The following LDLRAD3 variants were observed in gnomAD, a reference collection of about 807,000 sequenced individuals.
The protein encoded by LDLRAD3 is low-density lipoprotein receptor class A domain-containing protein 3.
LDLRAD3 carries 20 observed loss-of-function variants against 29.4 expected under a neutral mutation model. The ratio of observed to expected loss-of-function variants is 0.68; its 90% confidence interval spans 0.48 to 0.99. LDLRAD3 has a LOEUF of 0.99. LDLRAD3 is among the 50% of genes least tolerant of loss of function. The pLI is 0.00. For missense variants in LDLRAD3, 420 were observed against 454.3 expected (o/e 0.92, Z 0.69); for synonymous variants, 157 against 192.7 (o/e 0.81, Z 1.53).
At chr11:36,058,245 C>T (rs1461403888) in intron 2 of LDLRAD3, among the ~76,000 whole-genome samples, 2 of 152,180 alleles carry the variant, frequency 1.3e-5, no homozygotes, top group South Asian at 2.1e-4. Context: ...ATGCCATTTC[C>T]CTCTGTGCCT....
At chr11:36,098,275 C>G in intron 3 of LDLRAD3, 52 bp from the exon 4 acceptor site, 2 of 1,609,122 alleles carry the variant, frequency 1.2e-6, no homozygotes, top group South Asian at 1.1e-5. Context: ...TCCAGGGTCC[C>G]CAAGGGAACT....
In LDLRAD3 at chr11:36,144,067, T is replaced by G. The variant is rs533771484; in HGVS notation, c.454+45606T>G. Among the ~76,000 whole-genome samples the G allele has an allele frequency of 6.0e-4, 91 of 152,096 alleles. No homozygotes were observed. In the South Asian group the frequency reaches 0.01, roughly 17 times the overall value. On this transcript the variant is annotated intron_variant, in intron 4 of 5. Transcript: ENST00000315571. ...CCTCAGCCTGCCAAGTGCCTGCGAT[T>G]GCAGGCGCGCGCCACCACGCCTGAC...
intron 4 of LDLRAD3, among the ~76,000 whole-genome samples, chr11:36,182,704 CT>C (rs1715157129): frequency 6.6e-6 from 1 of 152,172 alleles, no homozygotes; most frequent in Non-Finnish European, 1.5e-5. Context: ...TGCCACTCAC[CT>C]TCAGTTCCCT....
intron 2 of LDLRAD3, among the ~76,000 whole-genome samples, chr11:36,039,751 C>A (rs1852356881): frequency 6.6e-6 from 1 of 152,252 alleles, no homozygotes; most frequent in Admixed American, 6.5e-5. Context: ...AGTAGTGACA[C>A]TGTAACTTAA....
intron 3 of LDLRAD3, among the ~76,000 whole-genome samples, chr11:36,089,439 T>C (rs1289514876): frequency 6.6e-6 from 1 of 152,084 alleles, no homozygotes; most frequent in Non-Finnish European, 1.5e-5. Flanking sequence ...ACATTTTTTT[T>C]TTTTTTTGAG....
At chr11:36,093,944 C>T (rs933973826) in intron 3 of LDLRAD3, among the ~76,000 whole-genome samples, 19 of 151,948 alleles carry the variant, frequency 1.3e-4, no homozygotes, top group Non-Finnish European at 1.9e-4. Context: ...CAAAGGTGGG[C>T]GTGACAATGT....
At position 36,227,426 on chromosome 11, in the gene LDLRAD3, C is replaced by T; in HGVS notation, c.796C>T (p.Gln266Ter). 1 of 1,570,356 alleles carries T rather than the reference C, an allele frequency of 6.4e-7. No homozygotes were observed. The highest frequency in any genetic ancestry group is 8.6e-7 in the Non-Finnish European group (1 of 1,158,808). Residue 266 changes from glutamine to a stop codon, truncating the protein, a stop_gained, in exon 5 of 6, where the codon CAG becomes TAG. Coordinates refer to ENST00000315571, the MANE Select transcript of LDLRAD3 (RefSeq NM_174902.4). LOFTEE classifies it high-confidence loss of function. ...CTCCTACTCCGAGGCCTTGCTGGAC[C>T]AGAGGTGTGTGCTGGATGGAAGAGA... ...PPSYSEALLD[Q>*]RPAWYDLPPP...
chr11:36,173,931 G>A (rs941504109), intron 4 of LDLRAD3, among the ~76,000 whole-genome samples: 4 of 152,172 alleles, frequency 2.6e-5, no homozygotes, highest in Admixed American at 1.3e-4. Context: ...AAAGAGCAAA[G>A]CTGGAGGCAT....
At chr11:35,995,443 G>A (rs1851742064) in intron 1 of LDLRAD3, among the ~76,000 whole-genome samples, 1 of 152,218 alleles carries the variant, frequency 6.6e-6, no homozygotes, top group Non-Finnish European at 1.5e-5. Context: ...TCCAGGCTTT[G>A]TTGTTCCATT....
chr11:35,994,693 G>A lies in LDLRAD3; in HGVS notation c.47-41410G>A, dbSNP rs555746821. 2.0e-4 allele frequency among the ~76,000 whole-genome samples: 31 copies of A among 152,308 alleles called. 1 individual carries two copies. Among genetic ancestry groups the A allele is most frequent in the Admixed American group, 1.6e-3 (24 of 15,294 alleles). ...ATGCCTGTTTTATAGCACTTTATGC[G>A]CAGAACAACTTCTTTCAAAATTGGA... is the stretch of plus-strand genomic sequence containing the variant. On this transcript the variant is annotated intron_variant, in intron 1 of 5. Coordinates refer to ENST00000315571, the MANE Select transcript of LDLRAD3 (RefSeq NM_174902.4).
chr11:36,061,361 G>A (rs942655551), intron 2 of LDLRAD3, among the ~76,000 whole-genome samples: 2 of 152,072 alleles, frequency 1.3e-5, no homozygotes, highest in African/African-American at 4.8e-5. Context: ...GGCTGGTCTC[G>A]AACTTCTGAC....
chr11:35,976,085 A>C (rs768681858), intron 1 of LDLRAD3, among the ~76,000 whole-genome samples: 1 of 151,984 alleles, frequency 6.6e-6, no homozygotes, highest in Non-Finnish European at 1.5e-5. Flanking sequence ...CTAGGAGTGT[A>C]GGGTGCTGAA....
intron 4 of LDLRAD3, among the ~76,000 whole-genome samples, chr11:36,143,127 T>C (rs1020535453): frequency 3.3e-5 from 5 of 152,220 alleles, no homozygotes; most frequent in Admixed American, 2.6e-4. Context: ...GATGAGGACA[T>C]TGAGTCTCAG....
intron 2 of LDLRAD3, among the ~76,000 whole-genome samples, chr11:36,048,563 G>A (rs1329263271): frequency 6.6e-6 from 1 of 152,216 alleles, no homozygotes; most frequent in Non-Finnish European, 1.5e-5. Flanking sequence ...ATCCAATTAA[G>A]TATCTCCCAG....
At chr11:36,144,814 A>G (rs1190504575) in intron 4 of LDLRAD3, among the ~76,000 whole-genome samples, 1 of 115,930 alleles carries the variant, frequency 8.6e-6, no homozygotes, top group Non-Finnish European at 1.8e-5. Context: ...TGGGGGGGTC[A>G]GCCCCCCGCC....
At chr11:36,017,725 A>G (rs754144441) in intron 1 of LDLRAD3, among the ~76,000 whole-genome samples, 5 of 151,938 alleles carry the variant, frequency 3.3e-5, no homozygotes, top group Non-Finnish European at 4.4e-5. Context: ...GGGTTTCACC[A>G]TGTTGGCCAG....
chr11:36,043,321 C>G (rs1056735016), intron 2 of LDLRAD3, among the ~76,000 whole-genome samples: 3 of 152,120 alleles, frequency 2.0e-5, no homozygotes, highest in African/African-American at 7.2e-5. Context: ...CAAAACAAAC[C>G]CCAAAAATTA....
At chr11:36,170,624 G>A (rs72935599) in intron 4 of LDLRAD3, among the ~76,000 whole-genome samples, 10,733 of 151,970 alleles carry the variant, frequency 0.071, 598 homozygotes, top group East Asian at 0.33. Flanking sequence ...TCCTACCAGC[G>A]ATATAAAAGT....
intron 4 of LDLRAD3, among the ~76,000 whole-genome samples, chr11:36,113,407 G>A (rs60974290): frequency 0.21 from 31,558 of 151,736 alleles, 3,462 homozygotes; most frequent in East Asian, 0.28. Flanking sequence ...ATCAGAAAGC[G>A]GGGAAGTACA....
Sources: gnomAD v4.1 joint callset for allele counts (sites outside exome capture counted in the v4.1 genomes callset) on GRCh38, gnomAD v4.1.1 for gene constraint, MANE v1.5 for transcripts, NCBI Gene and HGNC (gene_info 2026-07-23, HGNC 2026-07-21) for gene names.